Variants in GPD2 observed in about 807,000 individuals in gnomAD.
The protein encoded by GPD2 is glycerol-3-phosphate dehydrogenase, mitochondrial.
GPD2 carries 54 observed loss-of-function variants against 82.4 expected under a neutral mutation model. The ratio of observed to expected loss-of-function variants is 0.66; its 90% CI spans 0.53 to 0.82. The LOEUF (loss-of-function observed/expected upper bound fraction) is 0.82. Ranked by LOEUF, GPD2 falls within the 40% of genes least tolerant of loss-of-function variation. The pLI is 0.00. For synonymous variants in GPD2, 288 were observed against 306.1 expected, an observed-to-expected ratio of 0.94 and a Z score of 0.62; for missense variants, 748 against 896.2, an observed-to-expected ratio of 0.83 and a Z score of 2.11.
At chr2:156,535,673 A>G (rs1461946899) in intron 6 of GPD2, among the ~76,000 whole-genome samples, 1 of 152,286 alleles carries the variant, frequency 6.6e-6, no homozygotes, top group East Asian at 1.9e-4. Flanking sequence ...GAAGTGAATT[A>G]ATAAATGAAT....
chr2:156,539,374 G>A (rs1004475069), intron 6 of GPD2, among the ~76,000 whole-genome samples: 9 of 152,056 alleles, frequency 5.9e-5, no homozygotes, highest in Non-Finnish European at 1.0e-4. Context: ...TCACACATTC[G>A]GAGTCTCCAG....
intron 1 of GPD2, among the ~76,000 whole-genome samples, chr2:156,443,378 G>A (rs1247342558): frequency 6.6e-6 from 1 of 152,158 alleles, no homozygotes; most frequent in African/African-American, 2.4e-5. Context: ...TTTCATGTGG[G>A]TGACACCTAG....
intron 6 of GPD2, among the ~76,000 whole-genome samples, chr2:156,542,995 T>C (rs756876303): frequency 8.5e-5 from 13 of 152,180 alleles, no homozygotes; most frequent in Non-Finnish European, 1.3e-4. Flanking sequence ...TGACCATGCC[T>C]GGCTCATAAT....
chr2:156,571,280 T>C lies in GPD2; in HGVS notation c.1755T>C (p.Asp585=). The C allele has an allele frequency of 6.2e-7, 1 of 1,603,806 alleles. No homozygotes were observed. Among genetic ancestry groups the C allele is most frequent in the Non-Finnish European group, 8.5e-7 (1 of 1,173,858 alleles). The part of the protein sequence containing the change: ...ELMGRELNWD[D]YKKQEQLETA... Reference sequence around the variant, plus strand: ...TGGGCAGGGAACTGAATTGGGATGATTATAAGAAGCAGGTATTATATAGAA... The same window carrying C: ...TGGGCAGGGAACTGAATTGGGATGACTATAAGAAGCAGGTATTATATAGAA... The change falls in exon 13 of 17, where the codon GAT becomes GAC. Residue 585 remains aspartate (D), a synonymous_variant. Transcript: ENST00000438166.
chr2:156,512,258 C>A lies in GPD2; in HGVS notation c.438C>A (p.Asn146Lys). Residue 146 changes from asparagine (N) to lysine (K), a missense_variant, in exon 5 of 17, where the codon AAC (asparagine) becomes AAA (lysine). Asn to Lys is a moderately conservative substitution (Grantham distance 94). Coordinates refer to ENST00000438166, the MANE Select transcript of GPD2 (RefSeq NM_000408.5). ...AAGAAGCCCTTCATGAGCGTGCCAA[C>A]CTGCTAGAAATTGCTCCCCATTTAT... ...MVKEALHERA[N>K]LLEIAPHLSA... 1 of 1,605,958 alleles carries A rather than the reference C, an allele frequency of 6.2e-7. No individual in the cohort carries two copies. The highest frequency in any genetic ancestry group is 8.5e-7 in the Non-Finnish European group (1 of 1,172,586).
At position 156,578,972 on chromosome 2, in the gene GPD2, A is replaced by G. The variant is rs1558972073; in HGVS notation, c.1851A>G (p.Glu617=). Residue 617 remains glutamate (E), a synonymous_variant, in exon 14 of 17, where the codon GAA becomes GAG. Coordinates refer to ENST00000438166, the MANE Select transcript of GPD2 (RefSeq NM_000408.5). ...SRSEQLTDRS[E]ISLLPSDIDR... ...CAGAACAGTTAACAGATCGCTCTGA[A>G]ATTAGCCTACTGCCTTCAGACATTG... is the stretch of plus-strand genomic sequence containing the variant. 3 of 1,609,226 alleles carry G rather than the reference A, an allele frequency of 1.9e-6. No individual in the cohort carries two copies. The highest frequency in any genetic ancestry group is 1.1e-5 in the South Asian group (1 of 90,996).
At chr2:156,580,946 A>G (rs1464244571) in intron 16 of GPD2, among the ~76,000 whole-genome samples, 3 of 152,256 alleles carry the variant, frequency 2.0e-5, no homozygotes, top group East Asian at 3.9e-4. Context: ...TGCCCTCACA[A>G]TGTTAGAAAA....
the GPD2 span, among the ~76,000 whole-genome samples, chr2:156,413,686 C>G: frequency 6.6e-6 from 1 of 152,134 alleles, no homozygotes; most frequent in African/African-American, 2.4e-5. Context: ...GGGCGGATCA[C>G]CTAAGGTCGG....
At chr2:156,532,396 G>A (rs1251582917) in intron 6 of GPD2, among the ~76,000 whole-genome samples, 1 of 152,222 alleles carries the variant, frequency 6.6e-6, no homozygotes, top group Non-Finnish European at 1.5e-5. Context: ...GTATAATCAA[G>A]GGCCTTCTGT....
chr2:156,482,715 G>A (rs988763019), intron 2 of GPD2, among the ~76,000 whole-genome samples: 1 of 152,104 alleles, frequency 6.6e-6, no homozygotes, highest in African/African-American at 2.4e-5. Context: ...TTGCAAAATA[G>A]CCTCTCACTT....
the GPD2 span, among the ~76,000 whole-genome samples, chr2:156,401,141 A>G: frequency 2.6e-5 from 4 of 152,178 alleles, no homozygotes; most frequent in Middle Eastern, 3.2e-3. Context: ...ACTAGAAGTC[A>G]AAACTTGCAT....
the GPD2 span, among the ~76,000 whole-genome samples, chr2:156,416,564 T>C: frequency 1.3e-5 from 2 of 150,794 alleles, no homozygotes. Context: ...GGTTTCACTA[T>C]GTTGCCCAGG....
intron 8 of GPD2, among the ~76,000 whole-genome samples, chr2:156,554,148 C>T (rs1386164405): frequency 6.6e-6 from 1 of 152,176 alleles, no homozygotes; most frequent in African/African-American, 2.4e-5. Flanking sequence ...TCTGGCATCC[C>T]ATAGGGGTGG....
the GPD2 span, among the ~76,000 whole-genome samples, chr2:156,401,241 T>C: frequency 3.5e-4 from 54 of 152,234 alleles, no homozygotes; most frequent in Non-Finnish European, 7.1e-4. Flanking sequence ...GCTTTTCTAT[T>C]GCTTACTAGA....
chr2:156,513,942 G>C (rs905714727), intron 6 of GPD2, among the ~76,000 whole-genome samples: 1 of 152,182 alleles, frequency 6.6e-6, no homozygotes. Context: ...TGCCCTGTGG[G>C]CTGAAATTGA....
the GPD2 span, among the ~76,000 whole-genome samples, chr2:156,400,772 G>T: frequency 6.6e-6 from 1 of 152,218 alleles, no homozygotes; most frequent in East Asian, 1.9e-4. Context: ...TCGGCTGGGG[G>T]ATGTAGCTCA....
intron 16 of GPD2, 55 bp downstream of exon 16, chr2:156,579,843 G>A: frequency 1.2e-6 from 1 of 834,472 alleles, no homozygotes; most frequent in South Asian, 1.4e-5. Flanking sequence ...TGTTTGTCAT[G>A]ATCATAAATG....
intron 8 of GPD2, among the ~76,000 whole-genome samples, chr2:156,553,922 A>G (rs1686862742): frequency 1.3e-5 from 2 of 152,230 alleles, no homozygotes. Context: ...GCTAAGATGC[A>G]GTAAGTGACC....
chr2:156,583,122 T>C lies in GPD2; in HGVS notation c.*204T>C. 1 of 584,940 alleles carries C rather than the reference T, an allele frequency of 1.7e-6. No homozygotes were observed. Among genetic ancestry groups the C allele is most frequent in the Non-Finnish European group, 3.0e-6 (1 of 331,114 alleles). The allele number at this position is 584,940 out of a possible 1,614,324, so 36.2% of individuals were successfully genotyped here. ...ATTTGTATTTGCCATTCAGTCTAGC[T>C]TTTAAGTATATTTTTTTCTTTTTCT... is the stretch of plus-strand genomic sequence containing the variant. On this transcript the variant is annotated 3_prime_UTR_variant, in exon 17 of 17. Transcript: ENST00000438166.
Sources: gnomAD v4.1 joint callset for allele counts (sites outside exome capture counted in the v4.1 genomes callset) on GRCh38, gnomAD v4.1.1 for gene constraint, MANE v1.5 for transcripts, NCBI Gene and HGNC (gene_info 2026-07-23, HGNC 2026-07-21) for gene names.